TMEM87A: variants seen among roughly 807,000 people sequenced by gnomAD.
The protein encoded by TMEM87A is Golgi-pH regulating cation channel.
In TMEM87A, 50 loss-of-function variants were observed where a neutral mutation model predicts 90.0. That is an observed-to-expected ratio of 0.56 (90% CI 0.44 to 0.70). The LOEUF (loss-of-function observed/expected upper bound fraction) is 0.70. Ranked by LOEUF, TMEM87A falls within the 30% of genes least tolerant of loss-of-function variation. The pLI is 0.00. For synonymous variants in TMEM87A, 226 were observed against 226.7 expected, an observed-to-expected ratio of 1.00 and a Z score of 0.03; for missense variants, 577 against 660.5, an observed-to-expected ratio of 0.87 and a Z score of 1.39.
chr15:42,258,657 C>G, intron 6 of TMEM87A: 1 of 1,042,498 alleles, frequency 9.6e-7, no homozygotes, highest in South Asian at 3.2e-5. Flanking sequence ...GAACTCCCAA[C>G]CTCAAGTCAT....
intron 7 of TMEM87A, among the ~76,000 whole-genome samples, chr15:42,241,719 G>A (rs1806234045): frequency 6.6e-6 from 1 of 151,982 alleles, no homozygotes; most frequent in African/African-American, 2.4e-5. Flanking sequence ...CAGGTGCGGC[G>A]GCTCACACCT....
chr15:42,217,877 G>C (rs562473483), intron 18 of TMEM87A, 44 bp from the exon 19 acceptor site: 1 of 1,578,176 alleles, frequency 6.3e-7, no homozygotes, highest in East Asian at 2.2e-5. Flanking sequence ...GTAAAATAAA[G>C]CCATAAATGG....
intron 2 of TMEM87A, among the ~76,000 whole-genome samples, chr15:42,268,658 C>A (rs776677729): frequency 4.0e-5 from 6 of 150,186 alleles, no homozygotes; most frequent in Non-Finnish European, 7.4e-5. Flanking sequence ...CAGAGCGAGA[C>A]CCTGTCTCAA....
intron 18 of TMEM87A, 99 bp from the exon 19 acceptor site, chr15:42,217,932 A>ATTAT: frequency 1.6e-6 from 2 of 1,229,354 alleles, no homozygotes; most frequent in Non-Finnish European, 2.3e-6. Context: ...CTTTATAATT[A>ATTAT]TCTAAGATTT....
At chr15:42,246,497 C>CA (rs1244698306) in intron 6 of TMEM87A, among the ~76,000 whole-genome samples, 13 of 152,214 alleles carry the variant, frequency 8.5e-5, no homozygotes, top group African/African-American at 3.1e-4. Flanking sequence ...GCCCTGTGTC[C>CA]AAGTGTTCTC....
chr15:42,219,686 A>C (rs775231884), intron 16 of TMEM87A, 44 bp from the exon 17 acceptor site: 5 of 1,358,162 alleles, frequency 3.7e-6, no homozygotes, highest in Non-Finnish European at 5.1e-6. Flanking sequence ...TTGTGAACAG[A>C]CCAACAATGT....
chr15:42,237,772 C>T (rs1370545522), intron 8 of TMEM87A, among the ~76,000 whole-genome samples, 157 bp from the exon 9 acceptor site: 1 of 151,276 alleles, frequency 6.6e-6, no homozygotes, highest in Admixed American at 6.6e-5. Flanking sequence ...AAGCAATCCT[C>T]CCATCTCTGC....
intron 10 of TMEM87A, among the ~76,000 whole-genome samples, chr15:42,235,423 A>C (rs1165857332): frequency 1.3e-5 from 2 of 152,096 alleles, no homozygotes; most frequent in African/African-American, 4.8e-5. Flanking sequence ...TCCCCTACTT[A>C]GTTATCTAAT....
intron 15 of TMEM87A, among the ~76,000 whole-genome samples, chr15:42,221,639 G>A (rs1251717183): frequency 6.6e-6 from 1 of 152,124 alleles, no homozygotes; most frequent in Non-Finnish European, 1.5e-5. Context: ...GGAGGCTGAG[G>A]TAGGAGGATC....
rs758105005 is a variant in TMEM87A at position 42,228,821 on chromosome 15, G to C, written c.1132-1C>G. ...TTGTTTGAGTCAGGCTAATAAATAT[G>C]TGTTTGCAGGTCAAGGAATTCAACA... On this transcript the variant is annotated splice_acceptor_variant, in intron 12 of 19. Transcript: ENST00000389834. LOFTEE classifies it high-confidence loss of function. The C allele has an allele frequency of 6.4e-7, 1 of 1,564,096 alleles. No individual in the cohort carries two copies. The highest frequency in any genetic ancestry group is 1.2e-5 in the South Asian group (1 of 81,854).
rs778359295 is a variant in TMEM87A, at chr15:42,233,171, T to C, written c.1062+42A>G. On this transcript the variant is annotated intron_variant, in intron 11 of 19. Coordinates refer to ENST00000389834, the MANE Select transcript of TMEM87A (RefSeq NM_015497.5). ...CCACACTGTCAAGATGTAAACAATATAATTGAACTGACCACAGAAAATGAG... is the reference window on the plus strand; with the variant it reads ...CCACACTGTCAAGATGTAAACAATACAATTGAACTGACCACAGAAAATGAG... 14 of 1,511,904 alleles carry C rather than the reference T, an allele frequency of 9.3e-6. No individual in the cohort carries two copies. The Middle Eastern group carries it at 5.1e-4, about 55-fold the overall frequency. 93.7% of individuals were successfully genotyped at this position (1,511,904 alleles called of 1,614,324 possible).
intron 19 of TMEM87A, 114 bp downstream of exon 19, chr15:42,217,689 A>G (rs2140912194): frequency 1.1e-5 from 10 of 941,718 alleles, no homozygotes; most frequent in East Asian, 2.5e-5. Flanking sequence ...TATATAAACT[A>G]TAGTTTTCAG....
At chr15:42,233,132 C>T in intron 11 of TMEM87A, 81 bp downstream of exon 11, 1 of 1,219,660 alleles carries the variant, frequency 8.2e-7, no homozygotes, top group East Asian at 2.4e-5. Context: ...AAGAAGCCCA[C>T]AGACATTTCC....
intron 6 of TMEM87A, among the ~76,000 whole-genome samples, chr15:42,256,370 C>A (rs1192915559): frequency 6.6e-6 from 1 of 152,118 alleles, no homozygotes; most frequent in Non-Finnish European, 1.5e-5. Flanking sequence ...CAAACCCTGG[C>A]TTCAAGTGAT....
chr15:42,231,072 G>A (rs1344944431), intron 12 of TMEM87A, 120 bp downstream of exon 12: 3 of 868,406 alleles, frequency 3.5e-6, no homozygotes, highest in Admixed American at 3.1e-5. Flanking sequence ...AGCATGCACT[G>A]TTCCCCACAC....
At position 42,260,939 on chromosome 15, in the gene TMEM87A, A is replaced by G; in HGVS notation, c.504+19T>C. 6.2e-7 allele frequency: 1 copy of G among 1,606,434 alleles called. No homozygotes were observed. The highest frequency in any genetic ancestry group is 1.1e-5 in the South Asian group (1 of 89,266). ...ACTAAAATATGTGTTCAATGCCCCA[A>G]ATCCCCAAATATACTTACGGTTTTG... On this transcript the variant is annotated intron_variant, in intron 6 of 19. Coordinates refer to ENST00000389834, the MANE Select transcript of TMEM87A (RefSeq NM_015497.5).
intron 7 of TMEM87A, among the ~76,000 whole-genome samples, chr15:42,241,596 C>T (rs2050869076): frequency 6.6e-6 from 1 of 151,936 alleles, no homozygotes; most frequent in African/African-American, 2.4e-5. Context: ...CAATGGGGAG[C>T]CATCCATTAA....
intron 6 of TMEM87A, among the ~76,000 whole-genome samples, chr15:42,256,815 T>C (rs1057304665): frequency 6.6e-6 from 1 of 152,154 alleles, no homozygotes; most frequent in African/African-American, 2.4e-5. Flanking sequence ...CCTCCCAGAC[T>C]CAAGCCATCC....
intron 7 of TMEM87A, among the ~76,000 whole-genome samples, chr15:42,241,705 A>T (rs1319157691): frequency 6.6e-6 from 1 of 152,168 alleles, no homozygotes; most frequent in Non-Finnish European, 1.5e-5. Flanking sequence ...TGAAAAAACA[A>T]GGCCAGGTGC....
Sources: allele counts gnomAD v4.1 joint callset (sites outside exome capture counted in the v4.1 genomes callset), GRCh38; gene constraint gnomAD v4.1.1; transcripts MANE v1.5; gene names NCBI Gene and HGNC (gene_info 2026-07-23, HGNC 2026-07-21).